Variants in CIB4 observed in about 807,000 individuals in gnomAD.
CIB4 encodes the protein calcium and integrin binding family member 4.
CIB4 carries 25 observed loss-of-function variants against 25.8 expected under a neutral mutation model. The ratio of observed to expected loss-of-function variants is 0.97; its 90% CI spans 0.71 to 1.35. CIB4 has a LOEUF of 1.35. Among genes scored for constraint, CIB4 ranks in the 40% most tolerant of loss-of-function variants. CIB4 has a pLI of 0.00. For missense variants in CIB4, 235 were observed against 228.2 expected, an observed-to-expected ratio of 1.03 and a Z score of -0.19; for synonymous variants, 75 against 81.4, an observed-to-expected ratio of 0.92 and a Z score of 0.42.
intron 4 of CIB4, 45 bp downstream of exon 4, chr2:26,595,115 GATACGGTATGTTCTCT>G: frequency 6.6e-7 from 1 of 1,518,390 alleles, no homozygotes; most frequent in Non-Finnish European, 9.1e-7. Flanking sequence ...ATGGAGTCCA[GATACGGTATGTTCTCT>G]ATGGCCTTTC....
At position 26,618,592 on chromosome 2, in the gene CIB4, A is replaced by T. The variant is rs1026921874; in HGVS notation, c.186+10818T>A. Among the ~76,000 whole-genome samples the T allele has an allele frequency of 5.3e-5, 8 of 152,082 alleles. No individual in the cohort carries two copies. The South Asian group carries it at 6.2e-4, about 12-fold the overall frequency. On this transcript the variant is annotated intron_variant, in intron 3 of 6. Coordinates refer to ENST00000288861, the MANE Select transcript of CIB4 (RefSeq NM_001029881.3). The stretch of plus-strand genomic sequence containing the variant: ...TGGGATTGCAGGCATGGGCCACCGC[A>T]CCCAGTCAAGACTGTCATTTTTAAT...
intron 6 of CIB4, 74 bp from the exon 7 acceptor site, chr2:26,581,467 G>C (rs1229403615): frequency 1.4e-6 from 2 of 1,441,808 alleles, no homozygotes; most frequent in Non-Finnish European, 9.7e-7. Context: ...GTTCACAGTA[G>C]TCCTGGAGGC....
chr2:26,634,193 A>C (rs2148227005), intron 2 of CIB4, among the ~76,000 whole-genome samples: 1 of 152,334 alleles, frequency 6.6e-6, no homozygotes, highest in East Asian at 1.9e-4. Flanking sequence ...GAGATCAAGA[A>C]CATGACAAAC....
At chr2:26,626,606 C>T (rs1669310779) in intron 3 of CIB4, among the ~76,000 whole-genome samples, 1 of 152,136 alleles carries the variant, frequency 6.6e-6, no homozygotes, top group Non-Finnish European at 1.5e-5. Flanking sequence ...AGAATAAAAT[C>T]ATGACCATTT....
intron 2 of CIB4, 112 bp downstream of exon 2, chr2:26,640,421 T>C: frequency 2.6e-6 from 3 of 1,156,152 alleles, no homozygotes; most frequent in African/African-American, 1.6e-5. Context: ...CAGGGCTGTG[T>C]GGCTCTGAGC....
intron 2 of CIB4, among the ~76,000 whole-genome samples, chr2:26,635,321 A>C (rs945482680): frequency 6.6e-6 from 1 of 152,214 alleles, no homozygotes; most frequent in Non-Finnish European, 1.5e-5. Context: ...AGCCCCCAGG[A>C]GGTGTCATCT....
intron 6 of CIB4, 89 bp downstream of exon 6, chr2:26,582,736 G>T: frequency 1.4e-6 from 1 of 716,008 alleles, no homozygotes; most frequent in Non-Finnish European, 2.4e-6. Flanking sequence ...TGGGAAGACT[G>T]AGATGTCCCA....
At chr2:26,587,414 T>G (rs1668479305) in intron 4 of CIB4, among the ~76,000 whole-genome samples, 1 of 151,872 alleles carries the variant, frequency 6.6e-6, no homozygotes, top group African/African-American at 2.4e-5. Flanking sequence ...GCTATCTTGC[T>G]TAAGCCACTG....
At chr2:26,639,708 T>G (rs1447922196) in intron 2 of CIB4, among the ~76,000 whole-genome samples, 1 of 152,066 alleles carries the variant, frequency 6.6e-6, no homozygotes, top group South Asian at 2.1e-4. Flanking sequence ...TGGAGAGTCT[T>G]GCACTTGTGA....
intron 3 of CIB4, among the ~76,000 whole-genome samples, chr2:26,609,930 A>T (rs1412664291): frequency 1.3e-5 from 2 of 152,346 alleles, no homozygotes; most frequent in East Asian, 3.9e-4. Flanking sequence ...AGAGACTGTA[A>T]CTAACAGGAT....
chr2:26,623,713 C>G (rs1047963727), intron 3 of CIB4: 1 of 351,790 alleles, frequency 2.8e-6, no homozygotes, highest in South Asian at 2.4e-5. Context: ...GCAGGAAGCC[C>G]GGAGCAGGAG....
intron 3 of CIB4, among the ~76,000 whole-genome samples, chr2:26,601,231 A>AAT (rs1165155834): frequency 0.022 from 381 of 17,128 alleles, 1 homozygote; most frequent in Non-Finnish European, 0.041. Context: ...AAAAAAAAAA[A>AAT]ATATATATAT....
At chr2:26,587,199 G>A (rs1054709288) in intron 4 of CIB4, among the ~76,000 whole-genome samples, 7 of 150,978 alleles carry the variant, frequency 4.6e-5, no homozygotes, top group African/African-American at 1.2e-4. Context: ...CCAGCTACTC[G>A]GGAGGCTGAG....
chr2:26,599,564 A>G (rs1036205310), intron 3 of CIB4, among the ~76,000 whole-genome samples: 4 of 152,122 alleles, frequency 2.6e-5, no homozygotes, highest in African/African-American at 9.7e-5. Context: ...ACACAAAAAT[A>G]CGCTAGTGAC....
At chr2:26,616,568 G>A (rs1669096577) in intron 3 of CIB4, among the ~76,000 whole-genome samples, 1 of 152,212 alleles carries the variant, frequency 6.6e-6, no homozygotes, top group Admixed American at 6.5e-5. Context: ...CCGAGAAGCT[G>A]GGTGCTGGGA....
chr2:26,593,336 G>A (rs1261429392), intron 4 of CIB4, among the ~76,000 whole-genome samples: 1 of 151,356 alleles, frequency 6.6e-6, no homozygotes, highest in Non-Finnish European at 1.5e-5. Flanking sequence ...ATGTGTGTGT[G>A]TGTATATATA....
Position 26,583,783 on chromosome 2 carries a change from A to G in CIB4, c.438+6T>C, listed in dbSNP as rs1045160093. On this transcript the variant is annotated splice_donor_region_variant and intron_variant, in intron 5 of 6. Transcript: ENST00000288861. ...CAGCCACCAACTCCCAGCCCCCAGC[A>G]CACACGTGGTTCGTGAGGTCCATCA... 39 of 1,585,360 alleles carry G rather than the reference A, an allele frequency of 2.5e-5. No homozygotes were observed. Among genetic ancestry groups the G allele is most frequent in the Non-Finnish European group, 3.2e-5 (37 of 1,155,230 alleles).
chr2:26,621,745 T>G (rs1053453320), intron 3 of CIB4, among the ~76,000 whole-genome samples: 3 of 152,060 alleles, frequency 2.0e-5, no homozygotes, highest in African/African-American at 7.2e-5. Flanking sequence ...GAATCTGAGA[T>G]GGTCATGAAA....
chr2:26,627,540 C>G lies in CIB4; in HGVS notation c.186+1870G>C, dbSNP rs1558572419. On this transcript the variant is annotated intron_variant, in intron 3 of 6. Coordinates refer to ENST00000288861, the MANE Select transcript of CIB4 (RefSeq NM_001029881.3). The surrounding 1 kb of genome is among the most constrained non-coding windows in gnomAD (Gnocchi z 4.0). ...TGACCCCGGGTCCCTTAGTGGATGGCCTGGGTTTGAGAGAAGTCCCACCCA... is the reference window on the plus strand; with the variant it reads ...TGACCCCGGGTCCCTTAGTGGATGGGCTGGGTTTGAGAGAAGTCCCACCCA... Among the ~76,000 whole-genome samples the G allele has an allele frequency of 1.3e-5, 2 of 152,118 alleles. No homozygotes were observed. Among genetic ancestry groups the G allele is most frequent in the Non-Finnish European group, 2.9e-5 (2 of 68,008 alleles).
Sources: allele counts gnomAD v4.1 joint callset (sites outside exome capture counted in the v4.1 genomes callset), GRCh38; gene constraint gnomAD v4.1.1; non-coding constraint Gnocchi (gnomAD v3.1); transcripts MANE v1.5; gene names NCBI Gene and HGNC (gene_info 2026-07-23, HGNC 2026-07-21).